Variants in FAM114A1 observed in about 807,000 individuals in gnomAD.
FAM114A1 encodes family with sequence similarity 114 member A1.
In FAM114A1, 62 loss-of-function variants were observed where a neutral mutation model predicts 64.3. That is an observed-to-expected ratio of 0.96 (90% CI 0.79 to 1.19). The LOEUF is 1.19. Ranked by LOEUF, FAM114A1 falls within the 50% of genes most tolerant of loss-of-function variation. The probability of loss-of-function intolerance (pLI) is 0.00; values close to 1 mark genes in which losing one functional copy is unlikely to be tolerated. For missense variants in FAM114A1, 645 were observed against 676.3 expected (o/e 0.95, Z 0.51); for synonymous variants, 254 against 251.1 (o/e 1.01, Z -0.11).
At chr4:38,925,886 A>T (rs183105988) in intron 9 of FAM114A1, among the ~76,000 whole-genome samples, 1 of 151,944 alleles carries the variant, frequency 6.6e-6, no homozygotes, top group Non-Finnish European at 1.5e-5. Context: ...TTTTTCCAAA[A>T]TAGTTTCTAA....
At chr4:38,895,125 G>A (rs1366838053) in intron 4 of FAM114A1, among the ~76,000 whole-genome samples, 1 of 152,190 alleles carries the variant, frequency 6.6e-6, no homozygotes, top group African/African-American at 2.4e-5. Flanking sequence ...ATAGGGTGGT[G>A]CAGCTAGAAG....
chr4:38,887,195 A>G lies in FAM114A1; in HGVS notation c.349-4548A>G, dbSNP rs140906134. On this transcript the variant is annotated intron_variant, in intron 3 of 14. Coordinates refer to ENST00000358869, the MANE Select transcript of FAM114A1 (RefSeq NM_138389.4). ...TTTTGTGCATAAAAAGAACTACTCA[A>G]ATGTTTAATTGGGTTTAAACAATTC... 7.9e-3 allele frequency among the ~76,000 whole-genome samples: 1,196 copies of G among 152,276 alleles called. 18 individuals are homozygous for G. The highest frequency in any genetic ancestry group is 0.027 in the African/African-American group (1,136 of 41,554).
intron 7 of FAM114A1, 71 bp from the exon 8 acceptor site, chr4:38,914,850 C>A: frequency 6.5e-7 from 1 of 1,535,698 alleles, no homozygotes; most frequent in Non-Finnish European, 8.9e-7. Flanking sequence ...TCCCAACCTC[C>A]CCCATGTCTT....
chr4:38,899,765 T>TAC (rs200542420), intron 4 of FAM114A1, among the ~76,000 whole-genome samples: 3 of 152,136 alleles, frequency 2.0e-5, no homozygotes, highest in East Asian at 1.9e-4. Flanking sequence ...TTAAATTTCC[T>TAC]ACACACACAC....
intron 3 of FAM114A1, among the ~76,000 whole-genome samples, chr4:38,880,861 A>G (rs1311462886): frequency 6.6e-6 from 1 of 152,230 alleles, no homozygotes; most frequent in Non-Finnish European, 1.5e-5. Context: ...AATTTCAGAC[A>G]TAATAATTAT....
At chr4:38,875,656 C>T (rs1714542565) in intron 2 of FAM114A1, among the ~76,000 whole-genome samples, 1 of 152,104 alleles carries the variant, frequency 6.6e-6, no homozygotes, top group Non-Finnish European at 1.5e-5. Flanking sequence ...ATTTCGTTCT[C>T]TTGTCTGATT....
chr4:38,907,585 A>G (rs1253067702), intron 6 of FAM114A1, among the ~76,000 whole-genome samples: 1 of 152,196 alleles, frequency 6.6e-6, no homozygotes, highest in Admixed American at 6.6e-5. Flanking sequence ...GCGCACTGAA[A>G]ACTGATTTAC....
intron 2 of FAM114A1, among the ~76,000 whole-genome samples, chr4:38,873,759 T>C (rs918605348): frequency 1.4e-4 from 21 of 152,308 alleles, no homozygotes; most frequent in African/African-American, 4.8e-4. Context: ...CTGTCTCATT[T>C]AAGGTTTTAT....
chr4:38,882,204 C>T (rs1295063929), intron 3 of FAM114A1, among the ~76,000 whole-genome samples: 2 of 139,052 alleles, frequency 1.4e-5, no homozygotes, highest in East Asian at 4.2e-4. Flanking sequence ...CCCAGCTACT[C>T]GGGAGGCTGA....
Position 38,932,389 on chromosome 4 carries a change from C to T in FAM114A1, c.1463+15C>T. 6.3e-7 allele frequency: 1 copy of T among 1,580,522 alleles called. No homozygotes were observed. Among genetic ancestry groups the T allele is most frequent in the South Asian group, 1.2e-5 (1 of 84,892 alleles). On this transcript the variant is annotated intron_variant, in intron 12 of 14. Transcript: ENST00000358869. ...GTTCTAATAAAGTAAGTAAATGTTA[C>T]TTTAAATTCTTATTTTCCCAGTTTT...
intron 8 of FAM114A1, 98 bp from the exon 9 acceptor site, chr4:38,922,672 G>T (rs373893483): frequency 1.4e-6 from 2 of 1,460,654 alleles, no homozygotes. Flanking sequence ...CCCACACCAT[G>T]AATCACTTTT....
At chr4:38,921,438 T>C (rs1225286038) in intron 8 of FAM114A1, among the ~76,000 whole-genome samples, 1 of 152,160 alleles carries the variant, frequency 6.6e-6, no homozygotes, top group Non-Finnish European at 1.5e-5. Context: ...TCTTAAAATT[T>C]TTTATAGAGA....
chr4:38,917,479 G>T (rs942127628), intron 8 of FAM114A1, among the ~76,000 whole-genome samples: 9 of 152,306 alleles, frequency 5.9e-5, no homozygotes, highest in African/African-American at 2.2e-4. Flanking sequence ...ATTATTAACA[G>T]AATTAAATGA....
chr4:38,905,535 G>A lies in FAM114A1; in HGVS notation c.450G>A (p.Thr150=), dbSNP rs7698138. 2.7e-3 allele frequency: 4,298 copies of A among 1,613,726 alleles called. 120 individuals are homozygous for A. The African/African-American group carries it at 0.051, about 19-fold the overall frequency. Residue 150 remains threonine (T), a synonymous_variant, in exon 5 of 15, where the codon ACG becomes ACA. Coordinates refer to ENST00000358869, the MANE Select transcript of FAM114A1 (RefSeq NM_138389.4). ...SASATVGHGL[T]AVKEKAGATL... is the part of the protein sequence containing the mutation. ...TATTTCCAACAGGTCATGGATTGAC[G>A]GCAGTCAAGGAAAAAGCAGGAGCCA... is the stretch of plus-strand genomic sequence containing the variant.
At chr4:38,913,233 CG>C (rs1472881752) in intron 7 of FAM114A1, among the ~76,000 whole-genome samples, 4 of 152,116 alleles carry the variant, frequency 2.6e-5, no homozygotes, top group African/African-American at 4.8e-5. Flanking sequence ...GAATCAAAAA[CG>C]CAAGTGCAGA....
At chr4:38,875,463 C>T (rs568477110) in intron 2 of FAM114A1, among the ~76,000 whole-genome samples, 3 of 152,108 alleles carry the variant, frequency 2.0e-5, no homozygotes, top group African/African-American at 4.8e-5. Context: ...TTGATTTCAC[C>T]GTCAGCTTGG....
At chr4:38,942,215 A>G (rs1249087858) in intron 14 of FAM114A1, among the ~76,000 whole-genome samples, 1 of 152,226 alleles carries the variant, frequency 6.6e-6, no homozygotes, top group Non-Finnish European at 1.5e-5. Flanking sequence ...TTGGGTGGTG[A>G]CACAGCCAAA....
At chr4:38,906,962 T>C (rs1391920912) in intron 6 of FAM114A1, among the ~76,000 whole-genome samples, 1 of 152,218 alleles carries the variant, frequency 6.6e-6, no homozygotes, top group Non-Finnish European at 1.5e-5. Flanking sequence ...CCAGTATCTA[T>C]GCTAGATCTT....
chr4:38,919,956 C>A (rs1344636397), intron 8 of FAM114A1, among the ~76,000 whole-genome samples: 1 of 152,176 alleles, frequency 6.6e-6, no homozygotes, highest in Admixed American at 6.5e-5. Flanking sequence ...CACCTGTAAT[C>A]CCAGCACTTT....
Sources: gnomAD v4.1 joint callset for allele counts (sites outside exome capture counted in the v4.1 genomes callset) on GRCh38, gnomAD v4.1.1 for gene constraint, MANE v1.5 for transcripts, NCBI Gene and HGNC (gene_info 2026-07-23, HGNC 2026-07-21) for gene names.